CFAP70: variants seen among roughly 807,000 people sequenced by gnomAD.
CFAP70 encodes cilia- and flagella-associated protein 70.
In CFAP70, 81 loss-of-function variants were observed where a neutral mutation model predicts 137.6. The observed-to-expected ratio is 0.59, with a 90% CI of 0.49 to 0.71. The LOEUF (loss-of-function observed/expected upper bound fraction) is 0.71. Ranked by LOEUF, CFAP70 falls within the 30% of genes least tolerant of loss-of-function variation. CFAP70 has a pLI of 0.00. For synonymous variants in CFAP70, 382 were observed against 423.6 expected, an observed-to-expected ratio of 0.90 and a Z score of 1.20; for missense variants, 976 against 1,226.7, an observed-to-expected ratio of 0.80 and a Z score of 3.05.
At position 73,322,564 on chromosome 10, in the gene CFAP70, T is replaced by G. The variant is rs534586602; in HGVS notation, c.912+399A>C. ...TGCACTCCAAAGTGAGACCCACATCTCTAAAAAAAAAAAAAAAAAAAAAGT... is the reference window on the plus strand; with the variant it reads ...TGCACTCCAAAGTGAGACCCACATCGCTAAAAAAAAAAAAAAAAAAAAAGT... On this transcript the variant is annotated intron_variant, in intron 9 of 26. Coordinates refer to ENST00000310715, the Ensembl canonical transcript of CFAP70. Among the ~76,000 whole-genome samples the G allele has an allele frequency of 2.4e-3, 320 of 133,932 alleles. 2 individuals carry two copies. The highest frequency in any genetic ancestry group is 3.9e-3 in the Non-Finnish European group (252 of 64,148). 87.9% of individuals were successfully genotyped at this position (133,932 alleles called of 152,430 possible).
intron 9 of CFAP70, among the ~76,000 whole-genome samples, chr10:73,319,776 T>C (rs912885456): frequency 6.6e-6 from 1 of 152,222 alleles, no homozygotes; most frequent in Non-Finnish European, 1.5e-5. Flanking sequence ...TTACCACCAA[T>C]GGGCATTATC....
At chr10:73,356,742 A>G (rs190411210) in intron 1 of CFAP70, among the ~76,000 whole-genome samples, 42 of 152,278 alleles carry the variant, frequency 2.8e-4, no homozygotes, top group Admixed American at 2.1e-3. Flanking sequence ...TCAAATGTAC[A>G]TTTGAAATGC....
chr10:73,285,765 G>C (rs1304728071), intron 19 of CFAP70, among the ~76,000 whole-genome samples: 2 of 151,492 alleles, frequency 1.3e-5, no homozygotes, highest in Non-Finnish European at 2.9e-5. Context: ...CTGCTGAGTA[G>C]CTGGGATTAC....
chr10:73,323,161 T>G, intron 8 of CFAP70, 64 bp from the exon 10 acceptor site: 1 of 1,432,738 alleles, frequency 7.0e-7, no homozygotes, highest in Non-Finnish European at 9.3e-7. Flanking sequence ...TATGGAGCTC[T>G]GACTCAGCAG....
At chr10:73,262,388 A>G (rs1245903828) in intron 25 of CFAP70, among the ~76,000 whole-genome samples, 4 of 152,104 alleles carry the variant, frequency 2.6e-5, no homozygotes, top group Admixed American at 2.6e-4. Flanking sequence ...ATGGTCTCAC[A>G]GTGCTTGTAT....
At chr10:73,305,436 C>T (rs1356951641) in intron 12 of CFAP70, among the ~76,000 whole-genome samples, 1 of 152,134 alleles carries the variant, frequency 6.6e-6, no homozygotes, top group Non-Finnish European at 1.5e-5. Flanking sequence ...AGGATGTATG[C>T]TTAAAGTTGA....
chr10:73,308,980 AGGG>A (rs1482450410), intron 12 of CFAP70, among the ~76,000 whole-genome samples: 1 of 152,194 alleles, frequency 6.6e-6, no homozygotes, highest in Admixed American at 6.5e-5. Context: ...AACTAGCAAA[AGGG>A]GGGCACACTA....
chr10:73,330,944 G>A (rs1477302391), intron 8 of CFAP70, among the ~76,000 whole-genome samples: 2 of 152,152 alleles, frequency 1.3e-5, no homozygotes, highest in Non-Finnish European at 2.9e-5. Flanking sequence ...AGTGAACAAC[G>A]GGGAACTAGG....
exon 20 of CFAP70, chr10:73,278,219 T>C (rs769142591): frequency 1.9e-6 from 3 of 1,613,896 alleles, no homozygotes; most frequent in South Asian, 1.1e-5. Flanking sequence ...TGTTAGATGG[T>C]TTTTGGCTTA....
chr10:73,312,557 G>A (rs765616340), exon 10 of CFAP70: 1 of 1,612,166 alleles, frequency 6.2e-7, no homozygotes, highest in South Asian at 1.1e-5. Flanking sequence ...CAGCTTGTTT[G>A]GACAGCAGAG....
intron 9 of CFAP70, among the ~76,000 whole-genome samples, chr10:73,316,738 T>G (rs960485694): frequency 6.6e-6 from 1 of 151,886 alleles, no homozygotes; most frequent in Non-Finnish European, 1.5e-5. Context: ...CTTTATGCTA[T>G]TATCATATAA....
At chr10:73,353,377 G>A (rs867793787) in intron 3 of CFAP70, among the ~76,000 whole-genome samples, 179 bp downstream of exon 3, 3 of 152,190 alleles carry the variant, frequency 2.0e-5, no homozygotes, top group Admixed American at 6.5e-5. Context: ...ACCAATGGCA[G>A]CTGTTCAAGA....
At chr10:73,296,199 T>G (rs1369323742) in intron 15 of CFAP70, 10 of 152,222 alleles carry the variant, frequency 6.6e-5, no homozygotes. Flanking sequence ...GTAAAATAAT[T>G]CAATGTATTG....
chr10:73,253,972 G>T (rs765890679), exon 27 of CFAP70: 4 of 1,602,322 alleles, frequency 2.5e-6, no homozygotes, highest in South Asian at 1.1e-5. Context: ...AGCTGGAGGG[G>T]TATCAGAAAG....
chr10:73,309,693 G>A (rs998846678), intron 12 of CFAP70, among the ~76,000 whole-genome samples: 2 of 139,450 alleles, frequency 1.4e-5, no homozygotes, highest in Admixed American at 1.5e-4. Flanking sequence ...GTCTTTCTCT[G>A]TCTCTCAGGC....
upstream of CFAP70, among the ~76,000 whole-genome samples, chr10:73,362,690 T>C (rs911702036): frequency 3.9e-5 from 6 of 152,176 alleles, no homozygotes; most frequent in African/African-American, 1.4e-4. Context: ...TAGGGTTTTG[T>C]GTGTATAAAT....
At chr10:73,343,882 AAAT>A (rs1434410798) in intron 5 of CFAP70, among the ~76,000 whole-genome samples, 4 of 152,236 alleles carry the variant, frequency 2.6e-5, no homozygotes, top group Admixed American at 1.3e-4. Context: ...AATTAAAAAT[AAAT>A]AATAAACCAG....
intron 11 of CFAP70, 86 bp downstream of exon 12, chr10:73,311,748 G>A (rs1007802717): frequency 4.7e-6 from 5 of 1,058,582 alleles, no homozygotes; most frequent in African/African-American, 3.2e-5. Context: ...CTAACATCCT[G>A]CCTGAGCATT....
At chr10:73,306,501 A>T (rs150953980) in intron 12 of CFAP70, among the ~76,000 whole-genome samples, 309 of 152,292 alleles carry the variant, frequency 2.0e-3, no homozygotes, top group African/African-American at 7.1e-3. Context: ...TTAACAGCTG[A>T]TTTCTTATCA....
Sources: gnomAD v4.1 joint callset for allele counts (sites outside exome capture counted in the v4.1 genomes callset) on GRCh38, gnomAD v4.1.1 for gene constraint, MANE v1.5 for transcripts, NCBI Gene and HGNC (gene_info 2026-07-23, HGNC 2026-07-21) for gene names.